Variants in PPFIA2 observed in about 807,000 individuals in gnomAD.
PPFIA2 encodes the protein liprin-alpha-2.
Under a neutral mutation model 175.5 loss-of-function variants are expected in PPFIA2, and 46 were observed. The ratio of observed to expected loss-of-function variants is 0.26; its 90% confidence interval spans 0.21 to 0.34. The LOEUF (loss-of-function observed/expected upper bound fraction) is 0.34, where lower values mean the gene tolerates loss of function less well. Ranked by LOEUF, PPFIA2 falls within the 10% of genes least tolerant of loss-of-function variation. The pLI is 1.00. For missense variants in PPFIA2, 1,179 were observed against 1,506.1 expected (o/e 0.78, Z 3.60); for synonymous variants, 568 against 511.4 (o/e 1.11, Z -1.49).
At chr12:81,562,576 G>A (rs113062080) in intron 4 of PPFIA2, among the ~76,000 whole-genome samples, 1,709 of 151,936 alleles carry the variant, frequency 0.011, 53 homozygotes, top group East Asian at 0.096. Flanking sequence ...GGCCGGGCGC[G>A]GTGGCTCACG....
At chr12:81,375,508 T>A (rs1475487236) in intron 10 of PPFIA2, among the ~76,000 whole-genome samples, 3 of 152,152 alleles carry the variant, frequency 2.0e-5, no homozygotes, top group African/African-American at 7.2e-5. Context: ...AGGTGGTGGT[T>A]AGAATTAAGT....
chr12:81,258,624 T>C lies in PPFIA2; in HGVS notation c.*1070A>G, dbSNP rs542499412. 232 of 152,286 alleles carry C rather than the reference T, an allele frequency of 1.5e-3. 1 individual carries two copies. Among genetic ancestry groups the C allele is most frequent in the African/African-American group, 5.2e-3 (215 of 41,570 alleles). 9.4% of individuals were successfully genotyped at this position (152,286 alleles called of 1,614,324 possible). A position where few individuals can be genotyped will look rare whatever the true frequency, so the allele number is the denominator to read the frequency against. ...TCTGTCTTTCATTTATTTCCTCTGATAAAACTGACTTCAGGGAAGTCGCAA... is the reference window on the plus strand; with the variant it reads ...TCTGTCTTTCATTTATTTCCTCTGACAAAACTGACTTCAGGGAAGTCGCAA... On this transcript the variant is annotated 3_prime_UTR_variant, in exon 33 of 33. Coordinates refer to ENST00000549396, the MANE Select transcript of PPFIA2 (RefSeq NM_003625.5).
intron 3 of PPFIA2, among the ~76,000 whole-genome samples, chr12:81,743,294 G>A (rs2082558730): frequency 6.6e-6 from 1 of 151,598 alleles, no homozygotes; most frequent in African/African-American, 2.4e-5. Context: ...GCACATGCCT[G>A]TTGCCCCAGC....
intron 8 of PPFIA2, among the ~76,000 whole-genome samples, chr12:81,396,293 T>C (rs1325222482): frequency 2.6e-5 from 4 of 152,100 alleles, no homozygotes; most frequent in African/African-American, 9.7e-5. Flanking sequence ...GAGGTTATTA[T>C]CTAACTGGGC....
At chr12:81,666,123 G>C (rs1701929089) in intron 4 of PPFIA2, among the ~76,000 whole-genome samples, 1 of 152,274 alleles carries the variant, frequency 6.6e-6, no homozygotes, top group African/African-American at 2.4e-5. Flanking sequence ...AGGTGCTGGA[G>C]AGGATGTGGA....
chr12:81,262,074 G>C (rs1399240412), intron 31 of PPFIA2, 34 bp from the exon 32 acceptor site: 1 of 1,400,292 alleles, frequency 7.1e-7, no homozygotes, highest in African/African-American at 1.4e-5. Flanking sequence ...AGAGGGACTT[G>C]GATGATTGAG....
chr12:81,513,731 G>T (rs1362642020), intron 4 of PPFIA2, among the ~76,000 whole-genome samples: 1 of 151,824 alleles, frequency 6.6e-6, no homozygotes, highest in Non-Finnish European at 1.5e-5. Context: ...ACTTGAAATT[G>T]GTCAACAATA....
intron 7 of PPFIA2, among the ~76,000 whole-genome samples, chr12:81,435,612 A>G (rs2048842193): frequency 6.6e-6 from 1 of 152,146 alleles, no homozygotes; most frequent in Non-Finnish European, 1.5e-5. Flanking sequence ...GAGACTCTAT[A>G]TATAATAATG....
chr12:81,497,073 A>G (rs1240629429), intron 4 of PPFIA2, among the ~76,000 whole-genome samples: 1 of 152,176 alleles, frequency 6.6e-6, no homozygotes, highest in Non-Finnish European at 1.5e-5. Context: ...CCAAATAATA[A>G]AGGTCAACAT....
At chr12:81,312,321 A>G (rs1201105941) in intron 22 of PPFIA2, 23 of 720,294 alleles carry the variant, frequency 3.2e-5, no homozygotes, top group Non-Finnish European at 2.3e-6. Flanking sequence ...GCCATTTTGT[A>G]TTTCATCATG....
chr12:81,581,148 CT>C (rs5799542), intron 4 of PPFIA2, among the ~76,000 whole-genome samples: 1,427 of 139,542 alleles, frequency 0.01, 9 homozygotes, highest in African/African-American at 0.02. Flanking sequence ...GTCATAGACA[CT>C]TTTTTTTTTT....
chr12:81,443,190 G>C (rs1359931326), intron 6 of PPFIA2, among the ~76,000 whole-genome samples: 1 of 151,818 alleles, frequency 6.6e-6, no homozygotes, highest in Admixed American at 6.6e-5. Flanking sequence ...TTGCATATCA[G>C]ATCATATCTA....
intron 4 of PPFIA2, among the ~76,000 whole-genome samples, chr12:81,607,721 A>G (rs907988451): frequency 6.6e-6 from 1 of 151,068 alleles, no homozygotes; most frequent in Non-Finnish European, 1.5e-5. Flanking sequence ...TTTTCTAAGT[A>G]CAGAACCATA....
At chr12:81,435,292 G>C (rs1444180631) in intron 7 of PPFIA2, among the ~76,000 whole-genome samples, 1 of 152,134 alleles carries the variant, frequency 6.6e-6, no homozygotes, top group Non-Finnish European at 1.5e-5. Context: ...TGACCTCCCT[G>C]CTGGAAATTT....
intron 7 of PPFIA2, among the ~76,000 whole-genome samples, chr12:81,435,512 A>C (rs2048816273): frequency 6.6e-6 from 1 of 152,074 alleles, no homozygotes; most frequent in African/African-American, 2.4e-5. Flanking sequence ...AAAAGATATT[A>C]GGAGGTGATA....
In PPFIA2 at chr12:81,293,350, TA is replaced by T. The variant is rs1265799972; in HGVS notation, c.2925+1484del. 5.9e-5 allele frequency among the ~76,000 whole-genome samples: 9 copies of T among 152,032 alleles called. No individual in the cohort carries two copies. The East Asian group carries it at 1.7e-3, about 29-fold the overall frequency. On this transcript the variant is annotated intron_variant, in intron 24 of 32. Coordinates refer to ENST00000549396, the MANE Select transcript of PPFIA2 (RefSeq NM_003625.5). Reference sequence around the variant, plus strand: ...TGTTCTTTTCTAGGATTAGGATAGGTAAAAAATTATGAGATGACTAGGAATT... The same window carrying T: ...TGTTCTTTTCTAGGATTAGGATAGGTAAAAATTATGAGATGACTAGGAATT...
rs910169591 is a variant in PPFIA2, at chr12:81,344,749, T to C, written c.2233-56A>G. On this transcript the variant is annotated intron_variant, in intron 18 of 32. Coordinates refer to ENST00000549396, the MANE Select transcript of PPFIA2 (RefSeq NM_003625.5). ...ACAATTAATTAAGAATTAACAATCATTTGACCAAGTTACAATTTTAAATAG... is the reference window on the plus strand; with the variant it reads ...ACAATTAATTAAGAATTAACAATCACTTGACCAAGTTACAATTTTAAATAG... 5.3e-6 allele frequency: 7 copies of C among 1,308,482 alleles called. No homozygotes were observed. The African/African-American group carries it at 5.9e-5, about 11-fold the overall frequency. 81.1% of individuals were successfully genotyped at this position (1,308,482 alleles called of 1,614,324 possible). A position where few individuals can be genotyped will look rare whatever the true frequency, so the allele number is the denominator to read the frequency against.
chr12:81,703,762 T>C (rs1190002660), intron 3 of PPFIA2, among the ~76,000 whole-genome samples: 1 of 152,096 alleles, frequency 6.6e-6, no homozygotes, highest in East Asian at 1.9e-4. Context: ...AGTCCCTAGA[T>C]GCACCGAGCA....
chr12:81,276,787 T>G (rs925973118), intron 28 of PPFIA2, among the ~76,000 whole-genome samples: 1 of 152,180 alleles, frequency 6.6e-6, no homozygotes, highest in Non-Finnish European at 1.5e-5. Context: ...CCTGATAATA[T>G]TACCAGCTAA....
Sources: gnomAD v4.1 joint callset for allele counts (sites outside exome capture counted in the v4.1 genomes callset) on GRCh38, gnomAD v4.1.1 for gene constraint, MANE v1.5 for transcripts, NCBI Gene and HGNC (gene_info 2026-07-23, HGNC 2026-07-21) for gene names.